Variants in ARSG observed in about 807,000 individuals in gnomAD.
ARSG encodes the protein arylsulfatase G, also known as ASG.
Under a neutral mutation model 50.5 loss-of-function variants are expected in ARSG, and 37 were observed. That is an observed-to-expected ratio of 0.73 (90% CI 0.56 to 0.96). The LOEUF is 0.96. ARSG is among the 50% of genes least tolerant of loss of function. The pLI is 0.00. For synonymous variants in ARSG, 225 were observed against 254.6 expected, an observed-to-expected ratio of 0.88 and a Z score of 1.11; for missense variants, 629 against 675.3, an observed-to-expected ratio of 0.93 and a Z score of 0.76.
chr17:68,428,973 G>T, the ARSG span: 1 of 1,499,702 alleles, frequency 6.7e-7, no homozygotes, highest in South Asian at 1.1e-5. Flanking sequence ...TGATGACAAC[G>T]AAGATGGGCG....
intron 11 of ARSG, among the ~76,000 whole-genome samples, chr17:68,403,936 C>G (rs2147261319): frequency 6.6e-6 from 1 of 152,098 alleles, no homozygotes; most frequent in Admixed American, 6.5e-5. Context: ...TCAATTCCCA[C>G]CTATGAGTGA....
In ARSG at chr17:68,374,100, T is replaced by C. The variant is rs1032079747; in HGVS notation, c.982+3576T>C. 1.8e-4 allele frequency among the ~76,000 whole-genome samples: 26 copies of C among 141,746 alleles called. 1 individual carries two copies. The Admixed American group carries it at 2.0e-3, about 11-fold the overall frequency. 93.0% of individuals were successfully genotyped at this position (141,746 alleles called of 152,430 possible). Reference sequence around the variant, plus strand: ...TGAACCAGGGAGGCGGAGCTTGCAGTGAGCTGAGATCGCACCACTGGACTC... The same window carrying C: ...TGAACCAGGGAGGCGGAGCTTGCAGCGAGCTGAGATCGCACCACTGGACTC... On this transcript the variant is annotated intron_variant, in intron 8 of 11. Transcript: ENST00000621439.
At chr17:68,388,944 A>AAAAAAAT (rs1491203982) in intron 9 of ARSG, among the ~76,000 whole-genome samples, 30 of 146,190 alleles carry the variant, frequency 2.1e-4, no homozygotes, top group African/African-American at 7.2e-4. Flanking sequence ...AAAAAAAAAA[A>AAAAAAAT]AGAAAAACAG....
rs891049307 is a variant in ARSG at position 68,296,854 on chromosome 17, A to G, written c.-552+5286A>G. 3.2e-4 allele frequency among the ~76,000 whole-genome samples: 48 copies of G among 152,250 alleles called. 2 individuals carry two copies. Among genetic ancestry groups the G allele is most frequent in the Admixed American group, 2.2e-3 (33 of 15,278 alleles). On this transcript the variant is annotated intron_variant, in intron 1 of 11. Transcript: ENST00000621439. ...TACGTAAAACAGCATTTCAACAAGT[A>G]CAATTTTACAAGTGAGAATTACAAG...
chr17:68,347,535 A>C (rs2078569944), intron 4 of ARSG, among the ~76,000 whole-genome samples: 1 of 152,176 alleles, frequency 6.6e-6, no homozygotes, highest in Non-Finnish European at 1.5e-5. Context: ...GGGTTCACCG[A>C]AGCAGGAAAC....
rs974526057 is a variant in ARSG, at chr17:68,386,490, G to A, written c.1091+1318G>A. On this transcript the variant is annotated intron_variant, in intron 9 of 11. Transcript: ENST00000621439. Reference sequence around the variant, plus strand: ...AAACAGCTTTCAGGGCCAAAGTATGGGGTGGGTGGGCATCACCCCTGGCAG... The same window carrying A: ...AAACAGCTTTCAGGGCCAAAGTATGAGGTGGGTGGGCATCACCCCTGGCAG... 2.0e-5 allele frequency among the ~76,000 whole-genome samples: 3 copies of A among 152,164 alleles called. No individual in the cohort carries two copies. In the East Asian group the frequency reaches 5.8e-4, roughly 29 times the overall value.
At chr17:68,291,351 C>T (rs1339788826), upstream of ARSG, 1 of 150,130 alleles carries the variant, frequency 6.7e-6, no homozygotes, top group African/African-American at 2.4e-5. Context: ...TGCTGCCGCC[C>T]GCGCCCCGGC....
chr17:68,436,988 C>T, the ARSG span, among the ~76,000 whole-genome samples: 40,970 of 116,172 alleles, frequency 0.35, 6,054 homozygotes, highest in Admixed American at 0.48. Flanking sequence ...AGTGAGACCC[C>T]GTCTCAAAAA....
chr17:68,438,945 T>C, the ARSG span, among the ~76,000 whole-genome samples: 3 of 152,166 alleles, frequency 2.0e-5, no homozygotes, highest in African/African-American at 7.2e-5. Flanking sequence ...CACGATGAGA[T>C]ACCACTGTAC....
intron 1 of ARSG, among the ~76,000 whole-genome samples, chr17:68,276,729 C>T (rs1164063740): frequency 3.3e-5 from 5 of 152,264 alleles, no homozygotes; most frequent in African/African-American, 9.6e-5. Context: ...GCTGGGATTA[C>T]AGGCGTGAGC....
At chr17:68,391,676 C>T (rs746164031) in intron 9 of ARSG, among the ~76,000 whole-genome samples, 3 of 152,192 alleles carry the variant, frequency 2.0e-5, no homozygotes, top group South Asian at 4.1e-4. Context: ...TCCAAACCAC[C>T]GCGGCCTTTT....
chr17:68,342,263 A>T lies in ARSG; in HGVS notation c.219-1341A>T, dbSNP rs888313723. 3.9e-5 allele frequency among the ~76,000 whole-genome samples: 6 copies of T among 152,018 alleles called. No homozygotes were observed. In the East Asian group the frequency reaches 1.2e-3, roughly 29 times the overall value. On this transcript the variant is annotated intron_variant, in intron 2 of 11. Coordinates refer to ENST00000621439, the MANE Select transcript of ARSG (RefSeq NM_001267727.2). Reference sequence around the variant, plus strand: ...TCTGTTCACAATATTTTCATTCACTAGTTAAATTAATATATAACTGTATTT... The same window carrying T: ...TCTGTTCACAATATTTTCATTCACTTGTTAAATTAATATATAACTGTATTT...
intron 10 of ARSG, among the ~76,000 whole-genome samples, chr17:68,397,803 G>C (rs772688271): frequency 2.0e-5 from 3 of 152,088 alleles, no homozygotes; most frequent in Non-Finnish European, 2.9e-5. Flanking sequence ...GTCTCACTCT[G>C]TCGCCCAGGC....
At chr17:68,317,932 C>T (rs2077131301) in intron 2 of ARSG, among the ~76,000 whole-genome samples, 1 of 152,120 alleles carries the variant, frequency 6.6e-6, no homozygotes, top group Non-Finnish European at 1.5e-5. Flanking sequence ...AACCCCGTCT[C>T]TACTAAAAAT....
At chr17:68,446,077 T>C in the ARSG span, among the ~76,000 whole-genome samples, 1 of 152,204 alleles carries the variant, frequency 6.6e-6, no homozygotes, top group African/African-American at 2.4e-5. Flanking sequence ...GCTCTGCTCC[T>C]GGGAAAAGCC....
intron 1 of ARSG, among the ~76,000 whole-genome samples, chr17:68,264,838 CT>C (rs1568397146): frequency 1.3e-5 from 2 of 151,810 alleles, no homozygotes; most frequent in South Asian, 2.1e-4. Context: ...AAAGCAGAAT[CT>C]TTTTAATCAG....
chr17:68,450,934 A>T, the ARSG span: 5 of 1,586,628 alleles, frequency 3.2e-6, no homozygotes, highest in East Asian at 9.0e-5. Context: ...ACATGGATTG[A>T]TCACTTCCAA....
At chr17:68,316,201 G>A (rs902357542) in intron 2 of ARSG, among the ~76,000 whole-genome samples, 50 of 152,094 alleles carry the variant, frequency 3.3e-4, no homozygotes, top group African/African-American at 1.4e-4. Flanking sequence ...GCAGCTGATC[G>A]CTTCTCATCC....
At chr17:68,422,183 T>G (rs1221175420), downstream of ARSG, 1 of 201,400 alleles carries the variant, frequency 5.0e-6, no homozygotes, top group Non-Finnish European at 1.0e-5. Context: ...ATCCCAGAAC[T>G]TTGGGAGGCT....
Sources: allele counts gnomAD v4.1 joint callset (sites outside exome capture counted in the v4.1 genomes callset), GRCh38; gene constraint gnomAD v4.1.1; transcripts MANE v1.5; gene names NCBI Gene and HGNC (gene_info 2026-07-23, HGNC 2026-07-21).